The following TFCP2 variants were observed in gnomAD, a reference collection of about 807,000 sequenced individuals.
The protein encoded by TFCP2 is transcription factor CP2.
In TFCP2, 33 loss-of-function variants were observed where a neutral mutation model predicts 73.4. The observed-to-expected ratio is 0.45, with a 90% CI of 0.34 to 0.60. The LOEUF is 0.60. TFCP2 is among the 20% of genes least tolerant of loss of function. The pLI is 0.01. For missense variants in TFCP2, 352 were observed against 604.0 expected (o/e 0.58, Z 4.37); for synonymous variants, 193 against 211.6 (o/e 0.91, Z 0.76).
At chr12:51,164,878 A>T (rs1230263653) in intron 1 of TFCP2, among the ~76,000 whole-genome samples, 1 of 152,196 alleles carries the variant, frequency 6.6e-6, no homozygotes, top group Admixed American at 6.5e-5. Flanking sequence ...TTGAATTGAT[A>T]AACAAAAACC....
chr12:51,162,756 T>C (rs1049869798), intron 1 of TFCP2: 2 of 152,198 alleles, frequency 1.3e-5, no homozygotes, highest in African/African-American at 2.4e-5. Flanking sequence ...CTGAAGCATT[T>C]ACAACCCTAA....
chr12:51,171,289 A>G (rs1056775076), intron 1 of TFCP2, among the ~76,000 whole-genome samples: 2 of 152,222 alleles, frequency 1.3e-5, no homozygotes, highest in African/African-American at 4.8e-5. Flanking sequence ...ACATCTATAA[A>G]TGAAATAAAC....
At chr12:51,122,670 G>A (rs1449842888) in intron 1 of TFCP2, among the ~76,000 whole-genome samples, 1 of 152,180 alleles carries the variant, frequency 6.6e-6, no homozygotes, top group Non-Finnish European at 1.5e-5. Context: ...AATGTTGAGG[G>A]AATCCTTCTT....
intron 1 of TFCP2, among the ~76,000 whole-genome samples, chr12:51,138,839 T>C (rs1000808934): frequency 1.1e-4 from 17 of 151,888 alleles, no homozygotes; most frequent in Non-Finnish European, 2.4e-4. Flanking sequence ...GGTTTCTCCA[T>C]GTTGGTCAGG....
chr12:51,118,517 T>A, intron 2 of TFCP2, 104 bp downstream of exon 2: 1 of 1,403,810 alleles, frequency 7.1e-7, no homozygotes, highest in Non-Finnish European at 9.7e-7. Context: ...ATGGCGCCAC[T>A]ACACTCCAGC....
chr12:51,108,232 G>C (rs1940304087), intron 6 of TFCP2, among the ~76,000 whole-genome samples: 1 of 151,790 alleles, frequency 6.6e-6, no homozygotes, highest in Non-Finnish European at 1.5e-5. Context: ...GTTGCAGTGA[G>C]CTGGCACTGC....
chr12:51,128,305 G>A (rs1940857474), intron 1 of TFCP2, among the ~76,000 whole-genome samples: 1 of 151,976 alleles, frequency 6.6e-6, no homozygotes, highest in Admixed American at 6.6e-5. Context: ...AAGCAAGACT[G>A]AAGAATAGGT....
chr12:51,100,727 T>A (rs1352658249), intron 11 of TFCP2, among the ~76,000 whole-genome samples: 1 of 152,036 alleles, frequency 6.6e-6, no homozygotes, highest in Non-Finnish European at 1.5e-5. Flanking sequence ...GGCAGGAGGA[T>A]GGCTTGAGCC....
chr12:51,137,019 G>T (rs1273519327), intron 1 of TFCP2, among the ~76,000 whole-genome samples: 1 of 152,142 alleles, frequency 6.6e-6, no homozygotes, highest in African/African-American at 2.4e-5. Context: ...CCTGTCATTT[G>T]ATAGTCTTTC....
chr12:51,100,513 G>A (rs1272880934), intron 11 of TFCP2, among the ~76,000 whole-genome samples: 3 of 152,096 alleles, frequency 2.0e-5, no homozygotes, highest in Non-Finnish European at 4.4e-5. Flanking sequence ...CATCCCTTAT[G>A]ATGTAGACAA....
intron 1 of TFCP2, among the ~76,000 whole-genome samples, chr12:51,157,308 C>A (rs574938757): frequency 6.6e-6 from 1 of 152,098 alleles, no homozygotes; most frequent in Non-Finnish European, 1.5e-5. Context: ...AGGCGTGAGA[C>A]ACTGTGCCCG....
In TFCP2 at chr12:51,162,445, C is replaced by CAA. The variant is rs34045047; in HGVS notation, c.122+9854_122+9855dup. On this transcript the variant is annotated intron_variant, in intron 1 of 14. Coordinates refer to ENST00000257915, the MANE Select transcript of TFCP2 (RefSeq NM_005653.5). ...TGGGTGATAGAGCTAGACTCCATCT[C>CAA]AAAAAAAAAAAAAAAGAAAAGAAAA... Among the ~76,000 whole-genome samples, 565 of 109,704 alleles carry CAA rather than the reference C, an allele frequency of 5.2e-3. 2 individuals are homozygous for CAA. Among genetic ancestry groups the CAA allele is most frequent in the African/African-American group, 0.017 (487 of 29,116 alleles). 72.0% of individuals were successfully genotyped at this position (109,704 alleles called of 152,430 possible). A position where few individuals can be genotyped will look rare whatever the true frequency, so the allele number is the denominator to read the frequency against.
At chr12:51,110,523 G>A (rs1566204112) in intron 5 of TFCP2, among the ~76,000 whole-genome samples, 2 of 152,138 alleles carry the variant, frequency 1.3e-5, no homozygotes, top group African/African-American at 4.8e-5. Context: ...AGCCGAGATT[G>A]CACCACTCCA....
intron 1 of TFCP2, chr12:51,124,791 T>C: frequency 1.2e-6 from 1 of 856,450 alleles, no homozygotes; most frequent in Non-Finnish European, 2.0e-6. Flanking sequence ...CTGCTCAGCC[T>C]TTTTCTGCTG....
chr12:51,105,238 C>T (rs1203930838), intron 8 of TFCP2, among the ~76,000 whole-genome samples: 3 of 151,966 alleles, frequency 2.0e-5, no homozygotes, highest in Non-Finnish European at 4.4e-5. Context: ...GGATTACAGG[C>T]GCCCGCCGCC....
intron 4 of TFCP2, among the ~76,000 whole-genome samples, chr12:51,115,157 T>C (rs1940501384): frequency 7.5e-6 from 1 of 132,804 alleles, no homozygotes; most frequent in Non-Finnish European, 1.6e-5. Context: ...TCTCGCTCTG[T>C]CACCCAGGCT....
At chr12:51,139,735 G>A (rs1248254105) in intron 1 of TFCP2, among the ~76,000 whole-genome samples, 1 of 144,238 alleles carries the variant, frequency 6.9e-6, no homozygotes, top group African/African-American at 2.6e-5. Flanking sequence ...CTTGCCCCCA[G>A]GCCTTGGGGT....
chr12:51,106,204 A>C (rs1012874947), intron 8 of TFCP2, among the ~76,000 whole-genome samples: 1 of 152,186 alleles, frequency 6.6e-6, no homozygotes, highest in Admixed American at 6.6e-5. Flanking sequence ...AATAACCACA[A>C]GATGTGCAGT....
At chr12:51,137,178 G>A (rs186387160) in intron 1 of TFCP2, among the ~76,000 whole-genome samples, 7 of 152,246 alleles carry the variant, frequency 4.6e-5, no homozygotes, top group Admixed American at 2.0e-4. Flanking sequence ...GATACCAGAT[G>A]TACATTTCAT....
Sources: allele counts gnomAD v4.1 joint callset (sites outside exome capture counted in the v4.1 genomes callset), GRCh38; gene constraint gnomAD v4.1.1; transcripts MANE v1.5; gene names NCBI Gene and HGNC (gene_info 2026-07-23, HGNC 2026-07-21).